Variants in LRRIQ1 observed in about 807,000 individuals in gnomAD.
LRRIQ1 encodes the protein leucine-rich repeat- and IQ domain-containing protein 1.
In LRRIQ1, 210 loss-of-function variants were observed where a neutral mutation model predicts 211.9. The observed-to-expected ratio is 0.99, with a 90% CI of 0.89 to 1.11. The LOEUF is 1.11. Ranked by LOEUF, LRRIQ1 falls within the 50% of genes most tolerant of loss-of-function variation. LRRIQ1 has a pLI of 0.00. For missense variants in LRRIQ1, 2,136 were observed against 1,939.5 expected (o/e 1.10, Z -1.90); for synonymous variants, 699 against 650.1 (o/e 1.08, Z -1.14).
At chr12:85,166,366 T>C (rs1262456771) in intron 24 of LRRIQ1, among the ~76,000 whole-genome samples, 1 of 152,246 alleles carries the variant, frequency 6.6e-6, no homozygotes, top group Non-Finnish European at 1.5e-5. Flanking sequence ...ATCACTAACA[T>C]GCTTCCTATT....
In LRRIQ1 at chr12:85,056,824, G is replaced by A. The variant is rs1419324080; in HGVS notation, c.2031G>A (p.Val677=). 2 of 1,612,676 alleles carry A rather than the reference G, an allele frequency of 1.2e-6. No individual in the cohort carries two copies. Among genetic ancestry groups the A allele is most frequent in the Non-Finnish European group, 1.7e-6 (2 of 1,179,362 alleles). Residue 677 remains valine, a synonymous_variant, in exon 8 of 27, where the codon GTG becomes GTA. Transcript: ENST00000393217. ...IEGKRNDQDY[V]LGRHAPCEGL... ...GCAAAAGAAATGACCAAGATTATGTGTTAGGTAGACATGCTCCTTGTGAGG... is the reference window on the plus strand; with the variant it reads ...GCAAAAGAAATGACCAAGATTATGTATTAGGTAGACATGCTCCTTGTGAGG...
At chr12:85,116,205 C>T (rs1043015216) in intron 15 of LRRIQ1, among the ~76,000 whole-genome samples, 1 of 152,058 alleles carries the variant, frequency 6.6e-6, no homozygotes. Context: ...TGCAGTGGCG[C>T]GATCTCGGCT....
rs566935405 is a variant in LRRIQ1 at position 85,057,238 on chromosome 12, A to G, written c.2391+54A>G. ...CATTTAATTACAATTAGCTCTTTAA[A>G]GTATAACTTTTCAGATCTTAGAAAA... On this transcript the variant is annotated intron_variant, in intron 8 of 26. Coordinates refer to ENST00000393217, the MANE Select transcript of LRRIQ1 (RefSeq NM_001079910.2). 64 of 1,207,390 alleles carry G rather than the reference A, an allele frequency of 5.3e-5. No homozygotes were observed. The African/African-American group carries it at 8.8e-4, about 17-fold the overall frequency. 74.8% of individuals were successfully genotyped at this position (1,207,390 alleles called of 1,614,324 possible). A position where few individuals can be genotyped will look rare whatever the true frequency, so the allele number is the denominator to read the frequency against.
intron 1 of LRRIQ1, among the ~76,000 whole-genome samples, chr12:85,250,924 A>ATTATATATTATATATT (rs1895913837): frequency 1.3e-5 from 1 of 79,690 alleles, no homozygotes; most frequent in African/African-American, 1.0e-4. Flanking sequence ...TATTTTATAT[A>ATTATATATTATATATT]TTATATATTA....
chr12:85,209,867 T>G (rs918362097), intron 24 of LRRIQ1, among the ~76,000 whole-genome samples: 1 of 152,112 alleles, frequency 6.6e-6, no homozygotes, highest in Non-Finnish European at 1.5e-5. Flanking sequence ...TGAGCTTATG[T>G]AAGACTCATG....
chr12:85,226,269 GT>G (rs1437808092), intron 24 of LRRIQ1, among the ~76,000 whole-genome samples: 1 of 152,096 alleles, frequency 6.6e-6, no homozygotes, highest in Non-Finnish European at 1.5e-5. Flanking sequence ...TTAACTAAAA[GT>G]TTGCTTATTA....
chr12:85,209,062 T>C (rs1893706417), intron 24 of LRRIQ1, among the ~76,000 whole-genome samples: 1 of 152,184 alleles, frequency 6.6e-6, no homozygotes, highest in South Asian at 2.1e-4. Flanking sequence ...CAGTCTAAGA[T>C]TTAGAAAAAG....
chr12:85,179,185 G>A (rs1592930032), intron 24 of LRRIQ1, among the ~76,000 whole-genome samples: 1 of 151,910 alleles, frequency 6.6e-6, no homozygotes, highest in South Asian at 2.1e-4. Flanking sequence ...TCTGTTAATA[G>A]CATCATTAGC....
In LRRIQ1 at chr12:85,055,770, C is replaced by CA. The variant is rs1458169230; in HGVS notation, c.982dup (p.Ile328AsnfsTer38). ...GCACAAGAGTGGAAGGAAAAGGAAG[C>CA]AAAAATACGACAAAAGGAGGAAGAA... On this transcript the variant is annotated frameshift_variant, in exon 8 of 27. Transcript: ENST00000393217. LOFTEE classifies it high-confidence loss of function. 1.3e-6 allele frequency: 2 copies of CA among 1,592,602 alleles called. No homozygotes were observed. Among genetic ancestry groups the CA allele is most frequent in the East Asian group, 4.5e-5 (2 of 44,068 alleles).
downstream of LRRIQ1, among the ~76,000 whole-genome samples, chr12:85,246,543 A>G (rs1895724057): frequency 6.6e-6 from 1 of 151,496 alleles, no homozygotes; most frequent in Non-Finnish European, 1.5e-5. Flanking sequence ...GAATAGCTCA[A>G]TAAATCAGCA....
rs777644363 is a variant in LRRIQ1 at position 85,054,673 on chromosome 12, GCTATCCAGCCATT to G, written c.754-869_754-857del. On this transcript the variant is annotated intron_variant, in intron 7 of 26. Transcript: ENST00000393217. ...TTTGAAGTTTTTTTTTAAGTAATCA[GCTATCCAGCCATT>G]CTATTTTGATTATTGGTTTAAGTGA... is the stretch of plus-strand genomic sequence containing the variant. Among the ~76,000 whole-genome samples the G allele has an allele frequency of 1.1e-3, 173 of 151,778 alleles. 1 individual carries two copies. The highest frequency in any genetic ancestry group is 1.5e-3 in the Non-Finnish European group (104 of 67,914).
intron 7 of LRRIQ1, among the ~76,000 whole-genome samples, 165 bp from the exon 8 acceptor site, chr12:85,055,382 A>G (rs1880864511): frequency 6.6e-6 from 1 of 152,114 alleles, no homozygotes; most frequent in Non-Finnish European, 1.5e-5. Flanking sequence ...TTAAAAAAGT[A>G]ATACCCTTTA....
intron 24 of LRRIQ1, among the ~76,000 whole-genome samples, chr12:85,163,431 A>T (rs1592908763): frequency 2.0e-5 from 3 of 152,190 alleles, no homozygotes; most frequent in Non-Finnish European, 4.4e-5. Context: ...GTATCTCAGC[A>T]CAATGGTATG....
chr12:85,258,256 A>G (rs1023194583), intron 1 of LRRIQ1, among the ~76,000 whole-genome samples: 1 of 151,890 alleles, frequency 6.6e-6, no homozygotes, highest in Non-Finnish European at 1.5e-5. Flanking sequence ...GTGACTATCA[A>G]GAGTACCAAA....
intron 23 of LRRIQ1, among the ~76,000 whole-genome samples, chr12:85,155,112 A>G (rs1480677556): frequency 1.3e-5 from 2 of 151,488 alleles, no homozygotes; most frequent in African/African-American, 2.4e-5. Context: ...CTAGCCATTG[A>G]TAAGTTACTG....
chr12:85,125,850 AATG>A (rs1488218225), intron 17 of LRRIQ1, among the ~76,000 whole-genome samples: 5 of 152,170 alleles, frequency 3.3e-5, no homozygotes, highest in Non-Finnish European at 7.4e-5. Flanking sequence ...AAAATAGCCA[AATG>A]ATGATAGTAA....
At chr12:85,192,930 A>T (rs182047523) in intron 24 of LRRIQ1, among the ~76,000 whole-genome samples, 1 of 77,150 alleles carries the variant, frequency 1.3e-5, no homozygotes, top group South Asian at 3.7e-4. Context: ...TAATTATATA[A>T]TATAATTATA....
In LRRIQ1 at chr12:85,046,004, T is replaced by C. The variant is rs777529870; in HGVS notation, c.337-16T>C. 7.2e-7 allele frequency: 1 copy of C among 1,390,756 alleles called. No individual in the cohort carries two copies. Among genetic ancestry groups the C allele is most frequent in the South Asian group, 1.2e-5 (1 of 81,902 alleles). 86.2% of individuals were successfully genotyped at this position (1,390,756 alleles called of 1,614,324 possible). ...TTTGATTTTCTTTAATCATTGGTAC[T>C]CATTTAACCTCTTAGATATTATCTG... On this transcript the variant is annotated splice_polypyrimidine_tract_variant and intron_variant, in intron 4 of 26. Coordinates refer to ENST00000393217, the MANE Select transcript of LRRIQ1 (RefSeq NM_001079910.2).
At chr12:85,165,505 C>G (rs1891112231) in intron 24 of LRRIQ1, among the ~76,000 whole-genome samples, 1 of 131,762 alleles carries the variant, frequency 7.6e-6, no homozygotes, top group African/African-American at 2.9e-5. Flanking sequence ...CAGAGTCTTG[C>G]TCTGTCACCC....
Sources: allele counts gnomAD v4.1 joint callset (sites outside exome capture counted in the v4.1 genomes callset), GRCh38; gene constraint gnomAD v4.1.1; transcripts MANE v1.5; gene names NCBI Gene and HGNC (gene_info 2026-07-23, HGNC 2026-07-21).